The following SYT17 variants were observed in gnomAD, a reference collection of about 807,000 sequenced individuals.
The protein encoded by SYT17 is synaptotagmin 17.
Under a neutral mutation model 46.7 loss-of-function variants are expected in SYT17, and 22 were observed. That is an observed-to-expected ratio of 0.47 (90% CI 0.34 to 0.67). The LOEUF (loss-of-function observed/expected upper bound fraction) is 0.67, where lower values mean the gene tolerates loss of function less well. SYT17 is among the 30% of genes least tolerant of loss of function. The pLI, the probability that SYT17 is intolerant of heterozygous loss-of-function variation, is 0.01. For synonymous variants in SYT17, 251 were observed against 248.4 expected (o/e 1.01, Z -0.10); for missense variants, 519 against 612.8 (o/e 0.85, Z 1.62).
At chr16:19,181,579 C>T (rs1964557996) in intron 4 of SYT17, among the ~76,000 whole-genome samples, 1 of 152,106 alleles carries the variant, frequency 6.6e-6, no homozygotes, top group Admixed American at 6.6e-5. Flanking sequence ...TGGTCTAGAG[C>T]TGCGCTGTCT....
rs199996064 is a variant in SYT17, at chr16:19,267,277, AG to A, written c.*202del. On this transcript the variant is annotated 3_prime_UTR_variant, in exon 8 of 8. Transcript: ENST00000355377. Reference sequence around the variant, plus strand: ...TATTGATCACAAAATGGCCGCCCTCAGTTGAGTGAGGCCTAGGAACTTTCCG... The same window carrying A: ...TATTGATCACAAAATGGCCGCCCTCATTGAGTGAGGCCTAGGAACTTTCCG... The A allele has an allele frequency of 2.2e-6, 1 of 452,200 alleles. No homozygotes were observed. Among genetic ancestry groups the A allele is most frequent in the Non-Finnish European group, 3.5e-6 (1 of 282,480 alleles). The allele number at this position is 452,200 out of a possible 1,614,324, so 28.0% of individuals were successfully genotyped here.
At chr16:19,214,033 C>T (rs1966000283) in intron 5 of SYT17, among the ~76,000 whole-genome samples, 1 of 152,156 alleles carries the variant, frequency 6.6e-6, no homozygotes, top group South Asian at 2.1e-4. Flanking sequence ...TGTTTGGCAG[C>T]ATCCCTGGTC....
At chr16:19,216,250 G>A (rs1966090428) in intron 5 of SYT17, among the ~76,000 whole-genome samples, 1 of 151,980 alleles carries the variant, frequency 6.6e-6, no homozygotes. Flanking sequence ...TACTTATCAA[G>A]GCTTAACTCA....
In SYT17 at chr16:19,230,444, G is replaced by T. The variant is rs192274840; in HGVS notation, c.1228+5606G>T. ...ATTCTGGAGATGGATGGTTGTGATG[G>T]TTACACAACACTGTGAATATACTTA... On this transcript the variant is annotated intron_variant, in intron 7 of 7. Coordinates refer to ENST00000355377, the MANE Select transcript of SYT17 (RefSeq NM_016524.4). Among the ~76,000 whole-genome samples, 601 of 152,018 alleles carry T rather than the reference G, an allele frequency of 4.0e-3. 6 individuals are homozygous for T. The highest frequency in any genetic ancestry group is 0.014 in the African/African-American group (571 of 41,470).
intron 5 of SYT17, among the ~76,000 whole-genome samples, chr16:19,196,735 A>G (rs1010789973): frequency 1.3e-5 from 2 of 152,188 alleles, no homozygotes; most frequent in Non-Finnish European, 2.9e-5. Context: ...ACACATCATT[A>G]TTACCCCAAA....
chr16:19,220,303 C>CTTTCTTTCTTTTTTTTTTTT (rs776097400), intron 5 of SYT17, among the ~76,000 whole-genome samples: 1 of 80,514 alleles, frequency 1.2e-5, no homozygotes, highest in Admixed American at 1.7e-4. Context: ...TTCTTTCTTT[C>CTTTCTTTCTTTTTTTTTTTT]TTTTTTTTTT....
At chr16:19,209,212 G>A (rs542065687) in intron 5 of SYT17, among the ~76,000 whole-genome samples, 1 of 152,042 alleles carries the variant, frequency 6.6e-6, no homozygotes, top group African/African-American at 2.4e-5. Flanking sequence ...GATCCTGGGG[G>A]TTGGAAATTA....
At chr16:19,170,158 CTG>C (rs1397607958) in intron 1 of SYT17, 1 of 152,184 alleles carries the variant, frequency 6.6e-6, no homozygotes, top group African/African-American at 2.4e-5. Flanking sequence ...CACATGGTCT[CTG>C]TCACAACTAT....
chr16:19,262,975 A>G (rs137935515), intron 7 of SYT17, among the ~76,000 whole-genome samples: 1 of 151,900 alleles, frequency 6.6e-6, no homozygotes, highest in East Asian at 1.9e-4. Context: ...CCCGTTTTTC[A>G]TTCTTATAAA....
chr16:19,256,100 C>T lies in SYT17; in HGVS notation c.1229-10780C>T, dbSNP rs780531211. On this transcript the variant is annotated intron_variant, in intron 7 of 7. Coordinates refer to ENST00000355377, the MANE Select transcript of SYT17 (RefSeq NM_016524.4). Reference sequence around the variant, plus strand: ...AAATAGAGGTAATCATAGTACAAACCTCATAGATTTGTTGTGCGGATTAAA... The same window carrying T: ...AAATAGAGGTAATCATAGTACAAACTTCATAGATTTGTTGTGCGGATTAAA... 1.2e-4 allele frequency among the ~76,000 whole-genome samples: 19 copies of T among 152,274 alleles called. No homozygotes were observed. In the South Asian group the frequency reaches 2.9e-3, roughly 23 times the overall value.
rs563317113 is a variant in SYT17, at chr16:19,259,979, A to T, written c.1229-6901A>T. 2.6e-5 allele frequency among the ~76,000 whole-genome samples: 4 copies of T among 152,228 alleles called. No homozygotes were observed. In the East Asian group the frequency reaches 7.7e-4, roughly 29 times the overall value. ...AGGTACATTGGTTCAGTCCAGAAAG[A>T]TGGGACAGCTGGAAACAGGGACTGG... On this transcript the variant is annotated intron_variant, in intron 7 of 7. Coordinates refer to ENST00000355377, the MANE Select transcript of SYT17 (RefSeq NM_016524.4).
intron 5 of SYT17, among the ~76,000 whole-genome samples, chr16:19,218,235 T>C (rs1966169658): frequency 6.6e-6 from 1 of 152,230 alleles, no homozygotes; most frequent in Non-Finnish European, 1.5e-5. Flanking sequence ...ACCTAGTACC[T>C]GTTACATGAG....
rs118182524 is a variant in SYT17 at position 19,224,741 on chromosome 16, G to A, written c.1131G>A (p.Thr377=). 1,619 of 1,613,992 alleles carry A rather than the reference G, an allele frequency of 1.0e-3. 1 individual carries two copies. The highest frequency in any genetic ancestry group is 1.2e-3 in the Non-Finnish European group (1,471 of 1,179,942). ...HGLKLVKTKK[T]SFLRGTIDPF... ...TCAAACTTGTGAAAACCAAGAAGAC[G>A]TCCTTCTTAAGGGGCACAATTGATC... Residue 377 remains threonine, a synonymous_variant, in exon 7 of 8, where the codon ACG becomes ACA. Coordinates refer to ENST00000355377, the MANE Select transcript of SYT17 (RefSeq NM_016524.4).
At chr16:19,262,675 G>A (rs1039242245) in intron 7 of SYT17, among the ~76,000 whole-genome samples, 3 of 152,204 alleles carry the variant, frequency 2.0e-5, no homozygotes, top group Non-Finnish European at 4.4e-5. Flanking sequence ...GAGCCTTGGT[G>A]TCCAGCATAG....
At chr16:19,229,741 A>C (rs1966615024) in intron 7 of SYT17, among the ~76,000 whole-genome samples, 1 of 152,266 alleles carries the variant, frequency 6.6e-6, no homozygotes, top group African/African-American at 2.4e-5. Context: ...GCAGGGACTC[A>C]AACTCTTATT....
Position 19,183,443 on chromosome 16 carries a change from C to T in SYT17, c.332-85C>T. 1 of 1,534,800 alleles carries T rather than the reference C, an allele frequency of 6.5e-7. No individual in the cohort carries two copies. The highest frequency in any genetic ancestry group is 2.3e-5 in the East Asian group (1 of 44,296). On this transcript the variant is annotated intron_variant, in intron 4 of 7. Coordinates refer to ENST00000355377, the MANE Select transcript of SYT17 (RefSeq NM_016524.4). The surrounding 1 kb of genome is among the most constrained non-coding windows in gnomAD (Gnocchi z 5.6). Reference sequence around the variant, plus strand: ...AAAGGTCATTCTGAAGCAGAGTAAACAATGCAAGAATCTGCTTACCTGCAA... The same window carrying T: ...AAAGGTCATTCTGAAGCAGAGTAAATAATGCAAGAATCTGCTTACCTGCAA...
intron 7 of SYT17, among the ~76,000 whole-genome samples, chr16:19,232,149 C>A (rs763825561): frequency 6.6e-6 from 1 of 152,170 alleles, no homozygotes; most frequent in Non-Finnish European, 1.5e-5. Flanking sequence ...GACCCCCACA[C>A]CCTGCTGCCT....
chr16:19,245,798 G>A (rs983128735), intron 7 of SYT17, among the ~76,000 whole-genome samples: 3 of 152,202 alleles, frequency 2.0e-5, no homozygotes, highest in African/African-American at 7.2e-5. Context: ...GGAGCGGGGA[G>A]CCCTCTTGGG....
intron 5 of SYT17, among the ~76,000 whole-genome samples, chr16:19,192,996 C>G (rs185046069): frequency 6.6e-6 from 1 of 152,128 alleles, no homozygotes; most frequent in South Asian, 2.1e-4. Context: ...CTCTGGACCT[C>G]GTTCCGAGAA....
Sources: gnomAD v4.1 joint callset for allele counts (sites outside exome capture counted in the v4.1 genomes callset) on GRCh38, gnomAD v4.1.1 for gene constraint, Gnocchi (gnomAD v3.1) non-coding constraint, MANE v1.5 for transcripts, NCBI Gene and HGNC (gene_info 2026-07-23, HGNC 2026-07-21) for gene names.